Variants in NRCAM observed in about 807,000 individuals in gnomAD.
NRCAM encodes the protein NgCAM-related cell adhesion molecule.
NRCAM carries 83 observed loss-of-function variants against 156.5 expected under a neutral mutation model. The observed-to-expected ratio is 0.53, with a 90% confidence interval of 0.44 to 0.64. NRCAM has a LOEUF of 0.64. Among genes scored for constraint, NRCAM ranks in the 30% least tolerant of loss-of-function variants. The probability of loss-of-function intolerance (pLI) is 0.00; values close to 1 mark genes in which losing one functional copy is unlikely to be tolerated. For missense variants in NRCAM, 1,417 were observed against 1,597.3 expected (o/e 0.89, Z 1.92); for synonymous variants, 538 against 563.9 (o/e 0.95, Z 0.65).
chr7:108,302,948 T>C (rs1376800151), intron 3 of NRCAM, among the ~76,000 whole-genome samples: 2 of 152,136 alleles, frequency 1.3e-5, no homozygotes, highest in African/African-American at 4.8e-5. Flanking sequence ...GCCCTTCTGC[T>C]GCATTTTATT....
In NRCAM at chr7:108,260,649, G is replaced by A. The variant is rs994051817; in HGVS notation, c.-106-20479C>T. The stretch of plus-strand genomic sequence containing the variant: ...TCCTCTGGATTGTGCATTCCAGAGC[G>A]TGGGCATTAGTGGAGTCTGCAGTGA... On this transcript the variant is annotated intron_variant, in intron 3 of 32. Transcript: ENST00000379028. Among the ~76,000 whole-genome samples the A allele has an allele frequency of 8.5e-5, 13 of 152,152 alleles. 1 individual carries two copies. Among genetic ancestry groups the A allele is most frequent in the African/African-American group, 2.4e-4 (10 of 41,430 alleles).
chr7:108,221,406 T>C (rs1285090452), intron 11 of NRCAM, among the ~76,000 whole-genome samples: 1 of 152,212 alleles, frequency 6.6e-6, no homozygotes, highest in Non-Finnish European at 1.5e-5. Flanking sequence ...CACGCATGTT[T>C]ATAGCATCAC....
intron 2 of NRCAM, among the ~76,000 whole-genome samples, chr7:108,369,874 C>T (rs1275680651): frequency 6.6e-6 from 1 of 152,090 alleles, no homozygotes; most frequent in Non-Finnish European, 1.5e-5. Flanking sequence ...AGGGTAGAAA[C>T]TTGAACTTTA....
At chr7:108,248,275 A>T (rs578181539) in intron 3 of NRCAM, among the ~76,000 whole-genome samples, 89 of 152,320 alleles carry the variant, frequency 5.8e-4, no homozygotes, top group African/African-American at 2.0e-3. Flanking sequence ...AGTAAAAAAT[A>T]GCATTTTGAA....
At chr7:108,384,401 G>T (rs2099727719) in intron 2 of NRCAM, among the ~76,000 whole-genome samples, 1 of 152,098 alleles carries the variant, frequency 6.6e-6, no homozygotes, top group Non-Finnish European at 1.5e-5. Flanking sequence ...CAAGATGGGA[G>T]ATGGGTTGGG....
intron 3 of NRCAM, among the ~76,000 whole-genome samples, chr7:108,278,253 G>A (rs191963391): frequency 6.6e-6 from 1 of 152,358 alleles, no homozygotes; most frequent in East Asian, 1.9e-4. Context: ...AGTGCTGGGA[G>A]AACCACTGGT....
intron 2 of NRCAM, among the ~76,000 whole-genome samples, chr7:108,343,069 G>T (rs1563348228): frequency 6.6e-6 from 1 of 152,150 alleles, no homozygotes; most frequent in Non-Finnish European, 1.5e-5. Context: ...GACTGATCCC[G>T]ACCTCAACTT....
rs201421925 is a variant in NRCAM at position 108,207,542 on chromosome 7, C to G, written c.1193G>C (p.Gly398Ala). The change falls in exon 13 of 33, where the codon GGA (glycine) becomes GCA (alanine). Residue 398 changes from glycine to alanine, a missense_variant. By Grantham distance (60) the Gly-to-Ala change is moderately conservative. Around this residue, in one of 2 missense-constraint regions of NRCAM, gnomAD observed 1,238 missense variants for 1,336.4 expected, o/e 0.93. Transcript: ENST00000379028. ...PKPRISWLTN[G>A]VPIEIAPDDP... is the part of the protein sequence containing the mutation. ...AGGCAACTTACTTTCTATTGGGACTCCATTTGTTAACCAGCTAATTCTGGG... is the reference window on the plus strand; with the variant it reads ...AGGCAACTTACTTTCTATTGGGACTGCATTTGTTAACCAGCTAATTCTGGG... 3.1e-6 allele frequency: 5 copies of G among 1,613,818 alleles called. No homozygotes were observed. In the African/African-American group the frequency reaches 5.3e-5, roughly 17 times the overall value.
At chr7:108,389,649 T>C (rs1191420826) in intron 2 of NRCAM, among the ~76,000 whole-genome samples, 1 of 152,198 alleles carries the variant, frequency 6.6e-6, no homozygotes, top group African/African-American at 2.4e-5. Flanking sequence ...TCAAAGGGAA[T>C]GCTTCCAGTT....
chr7:108,454,794 A>C (rs1468417874), intron 1 of NRCAM, among the ~76,000 whole-genome samples: 1 of 152,208 alleles, frequency 6.6e-6, no homozygotes, highest in African/African-American at 2.4e-5. Context: ...CTCCTCCTGC[A>C]AAAGCCTGGG....
chr7:108,388,126 A>T (rs2099747337), intron 2 of NRCAM, among the ~76,000 whole-genome samples: 1 of 152,186 alleles, frequency 6.6e-6, no homozygotes, highest in African/African-American at 2.4e-5. Context: ...TCCCTGAGGA[A>T]TTGCCACACT....
At chr7:108,237,271 T>C (rs1262811916) in intron 5 of NRCAM, among the ~76,000 whole-genome samples, 1 of 152,194 alleles carries the variant, frequency 6.6e-6, no homozygotes, top group Non-Finnish European at 1.5e-5. Context: ...GCTGGGTTAG[T>C]CTACTGATGG....
chr7:108,187,071 G>GTA (rs2067318162), intron 20 of NRCAM, among the ~76,000 whole-genome samples: 1 of 152,050 alleles, frequency 6.6e-6, no homozygotes, highest in South Asian at 2.1e-4. Context: ...ATTCACTGAA[G>GTA]TACCACAGGG....
At chr7:108,293,153 C>T (rs1359112629) in intron 3 of NRCAM, among the ~76,000 whole-genome samples, 2 of 152,106 alleles carry the variant, frequency 1.3e-5, no homozygotes, top group Non-Finnish European at 2.9e-5. Flanking sequence ...GTTTCCACCC[C>T]CTTGTGATTA....
At chr7:108,323,238 T>TTTG (rs1468518381) in intron 2 of NRCAM, among the ~76,000 whole-genome samples, 9 of 152,242 alleles carry the variant, frequency 5.9e-5, no homozygotes, top group Admixed American at 5.9e-4. Flanking sequence ...AGACACTGTT[T>TTTG]TTGTTAATGT....
rs543268777 is a variant in NRCAM, at chr7:108,369,032, C to T, written c.-174+30404G>A. Among the ~76,000 whole-genome samples the T allele has an allele frequency of 2.3e-4, 35 of 152,194 alleles. No homozygotes were observed. The South Asian group carries it at 3.7e-3, about 16-fold the overall frequency. On this transcript the variant is annotated intron_variant, in intron 2 of 32. Transcript: ENST00000379028. The stretch of plus-strand genomic sequence containing the variant: ...AAGAAAATAAACCTTATTAAAAATA[C>T]TTAATGTATTCTATATAATTCTCTT...
At chr7:108,395,193 T>C (rs2099773443) in intron 2 of NRCAM, among the ~76,000 whole-genome samples, 2 of 152,158 alleles carry the variant, frequency 1.3e-5, no homozygotes, top group African/African-American at 4.8e-5. Context: ...AAAAACAAAT[T>C]CTCTAGTCAC....
chr7:108,215,577 T>G (rs2087827831), intron 11 of NRCAM, among the ~76,000 whole-genome samples: 1 of 152,136 alleles, frequency 6.6e-6, no homozygotes, highest in Non-Finnish European at 1.5e-5. Context: ...ACTTGCTTTA[T>G]GAATCTGGGT....
intron 1 of NRCAM, among the ~76,000 whole-genome samples, chr7:108,451,448 A>T (rs889100920): frequency 1.3e-5 from 2 of 152,170 alleles, no homozygotes; most frequent in Non-Finnish European, 2.9e-5. Context: ...TAGCAGTCTC[A>T]TTTCTGGGTA....
Sources: allele counts gnomAD v4.1 joint callset (sites outside exome capture counted in the v4.1 genomes callset), GRCh38; gene constraint gnomAD v4.1.1; regional missense constraint gnomAD v4.1.1; transcripts MANE v1.5; gene names NCBI Gene and HGNC (gene_info 2026-07-23, HGNC 2026-07-21).